The following ARID2 variants were observed in gnomAD, a reference collection of about 807,000 sequenced individuals.
ARID2 encodes the protein AT-rich interaction domain 2.
Under a neutral mutation model 184.6 loss-of-function variants are expected in ARID2, and 32 were observed. The ratio of observed to expected loss-of-function variants is 0.17; its 90% CI spans 0.13 to 0.23. The LOEUF (loss-of-function observed/expected upper bound fraction) is 0.23, where lower values mean the gene tolerates loss of function less well. ARID2 is among the 10% of genes least tolerant of loss of function. The pLI, the probability that ARID2 is intolerant of heterozygous loss-of-function variation, is 1.00. For synonymous variants in ARID2, 836 were observed against 772.6 expected, an observed-to-expected ratio of 1.08 and a Z score of -1.36; for missense variants, 1,696 against 2,197.6, an observed-to-expected ratio of 0.77 and a Z score of 4.56.
At position 45,852,643 on chromosome 12, in the gene ARID2, A is replaced by G. The variant is rs2138180317; in HGVS notation, c.4520A>G (p.Asn1507Ser). 6.2e-7 allele frequency: 1 copy of G among 1,614,170 alleles called. No homozygotes were observed. The change falls in exon 15 of 21, where the codon AAT (asparagine) becomes AGT (serine). Residue 1507 changes from asparagine to serine, a missense_variant. By Grantham distance (46) the Asn-to-Ser change is conservative. Coordinates refer to ENST00000334344, the MANE Select transcript of ARID2 (RefSeq NM_152641.4). ...PALSSDVRST[N>S]GTAECKTVKR... The stretch of plus-strand genomic sequence containing the variant: ...CTATCATCTGACGTTCGGTCTACAA[A>G]TGGCACAGCAGAATGCAAAACTGTA...
chr12:45,873,131 C>CCT (rs2138207087), intron 16 of ARID2, among the ~76,000 whole-genome samples: 1 of 152,206 alleles, frequency 6.6e-6, no homozygotes, highest in South Asian at 2.1e-4. Flanking sequence ...ATGTAATGCC[C>CCT]CTCTTGATCC....
At position 45,848,947 on chromosome 12, in the gene ARID2, A is replaced by T; in HGVS notation, c.1692A>T (p.Ser564=). The change falls in exon 13 of 21, where the codon TCA becomes TCT. Residue 564 remains serine (S), a synonymous_variant. Coordinates refer to ENST00000334344, the MANE Select transcript of ARID2 (RefSeq NM_152641.4). ...SKLARGGILT[S]TGFYKCLRTV... is the part of the protein sequence containing the mutation. ...TAGCTCGTGGTGGAATCCTAACATCAACTGGATTTTATAAATGTCTTAGGT... is the reference window on the plus strand; with the variant it reads ...TAGCTCGTGGTGGAATCCTAACATCTACTGGATTTTATAAATGTCTTAGGT... The T allele has an allele frequency of 6.2e-7, 1 of 1,612,156 alleles. No individual in the cohort carries two copies. Among genetic ancestry groups the T allele is most frequent in the Non-Finnish European group, 8.5e-7 (1 of 1,178,862 alleles).
At chr12:45,904,689 C>CAAAA (rs755707280) in intron 20 of ARID2, among the ~76,000 whole-genome samples, 12 of 35,666 alleles carry the variant, frequency 3.4e-4, no homozygotes, top group Admixed American at 1.2e-3. Context: ...GACTCCTTCT[C>CAAAA]AAAAAAAAAA....
intron 16 of ARID2, among the ~76,000 whole-genome samples, chr12:45,866,838 A>G (rs562855551): frequency 2.8e-4 from 42 of 152,170 alleles, no homozygotes; most frequent in Non-Finnish European, 5.7e-4. Context: ...TTGACACATC[A>G]TTATCACCCA....
At position 45,905,469 on chromosome 12, in the gene ARID2, C is replaced by G. The variant is rs1477907324; in HGVS notation, c.*391C>G. 1 of 234,006 alleles carries G rather than the reference C, an allele frequency of 4.3e-6. No individual in the cohort carries two copies. Among genetic ancestry groups the G allele is most frequent in the Non-Finnish European group, 8.4e-6 (1 of 118,580 alleles). 14.5% of individuals were successfully genotyped at this position (234,006 alleles called of 1,614,324 possible). A position where few individuals can be genotyped will look rare whatever the true frequency, so the allele number is the denominator to read the frequency against. On this transcript the variant is annotated 3_prime_UTR_variant, in exon 21 of 21. Coordinates refer to ENST00000334344, the MANE Select transcript of ARID2 (RefSeq NM_152641.4). The stretch of plus-strand genomic sequence containing the variant: ...AAGCATTAAATATTTTTATCTATAT[C>G]CAAAAAGGAGCACATTTTTATATTT...
intron 3 of ARID2, among the ~76,000 whole-genome samples, chr12:45,783,273 ATGAC>A (rs1942131581): frequency 2.0e-5 from 3 of 152,264 alleles, no homozygotes; most frequent in Non-Finnish European, 2.9e-5. Context: ...AGCCTTAATT[ATGAC>A]TATCAATAAC....
intron 16 of ARID2, among the ~76,000 whole-genome samples, chr12:45,877,197 G>A (rs1475460176): frequency 6.6e-6 from 1 of 152,106 alleles, no homozygotes; most frequent in Non-Finnish European, 1.5e-5. Context: ...TGGCCTGTTA[G>A]GAACCAGGCT....
chr12:45,893,978 C>A, intron 20 of ARID2: 2 of 265,084 alleles, frequency 7.5e-6, no homozygotes, highest in Non-Finnish European at 7.0e-6. Flanking sequence ...TAATTTAGAA[C>A]AAAAAGCAGC....
At position 45,839,400 on chromosome 12, in the gene ARID2, A is replaced by C; in HGVS notation, c.1402A>C (p.Ile468Leu). ...TGATGCACTAGCTGCGGTAAAACTC[A>C]TTGAACACCCAAGTTCCAGTCATCA... ...GPDALAAVKL[I>L]EHPSSSHQML... The change falls in exon 11 of 21, where the codon ATT becomes CTT. Residue 468 changes from isoleucine (I) to leucine (L), a missense_variant. Around this residue, in one of 11 missense-constraint regions of ARID2, gnomAD observed 713 missense variants for 824.4 expected, o/e 0.86. Transcript: ENST00000334344. 1 of 1,614,156 alleles carries C rather than the reference A, an allele frequency of 6.2e-7. No homozygotes were observed. The highest frequency in any genetic ancestry group is 1.7e-5 in the Admixed American group (1 of 60,024).
rs1037196201 is a variant in ARID2 at position 45,798,088 on chromosome 12, T to C, written c.285-13330T>C. ...AGAAATACACCATATACACAGTTGC[T>C]CTGTACCCTTTTTTACTATGTGTCA... On this transcript the variant is annotated intron_variant, in intron 3 of 20. Transcript: ENST00000334344. 7.9e-5 allele frequency among the ~76,000 whole-genome samples: 12 copies of C among 152,180 alleles called. 1 individual carries two copies. Among genetic ancestry groups the C allele is most frequent in the Admixed American group, 4.6e-4 (7 of 15,278 alleles).
At chr12:45,859,324 T>C (rs894899561) in intron 15 of ARID2, among the ~76,000 whole-genome samples, 5 of 152,200 alleles carry the variant, frequency 3.3e-5, no homozygotes, top group Non-Finnish European at 7.3e-5. Context: ...CTAGGAGCAA[T>C]AGGCTATTCC....
chr12:45,779,096 A>T (rs1333572951), intron 3 of ARID2, among the ~76,000 whole-genome samples: 5 of 152,006 alleles, frequency 3.3e-5, no homozygotes, highest in Admixed American at 1.3e-4. Flanking sequence ...CATTTAAGTT[A>T]CCCTTTTGCT....
chr12:45,809,683 A>C (rs533015346), intron 3 of ARID2, among the ~76,000 whole-genome samples: 1 of 152,288 alleles, frequency 6.6e-6, no homozygotes, highest in Admixed American at 6.5e-5. Flanking sequence ...TATTGGATTC[A>C]TTATCTATCA....
intron 20 of ARID2, among the ~76,000 whole-genome samples, chr12:45,902,627 G>A (rs1473090931): frequency 6.6e-6 from 1 of 151,752 alleles, no homozygotes; most frequent in Non-Finnish European, 1.5e-5. Context: ...TGCCTCCTGG[G>A]TTCAAGCGAT....
At chr12:45,863,857 GT>G (rs11316277) in intron 16 of ARID2, among the ~76,000 whole-genome samples, 88,325 of 110,258 alleles carry the variant, frequency 0.8, 33,584 homozygotes, top group East Asian at 0.91. Context: ...TTTTTTTTTT[GT>G]TTTTTTTTTG....
intron 3 of ARID2, among the ~76,000 whole-genome samples, chr12:45,762,628 T>A (rs1044932396): frequency 1.3e-5 from 2 of 152,230 alleles, no homozygotes; most frequent in African/African-American, 4.8e-5. Context: ...GTTGTTGAAC[T>A]GGTTTTTGAG....
At chr12:45,783,411 G>A (rs897816235) in intron 3 of ARID2, among the ~76,000 whole-genome samples, 1 of 152,176 alleles carries the variant, frequency 6.6e-6, no homozygotes, top group Admixed American at 6.5e-5. Flanking sequence ...AGTAAATGAG[G>A]AAAATAAATT....
At chr12:45,889,863 G>A (rs1592143440) in intron 16 of ARID2, among the ~76,000 whole-genome samples, 1 of 152,298 alleles carries the variant, frequency 6.6e-6, no homozygotes, top group Non-Finnish European at 1.5e-5. Flanking sequence ...GCTTGAACCC[G>A]GGAGGCAGAA....
chr12:45,791,935 C>G (rs1056414839), intron 3 of ARID2, among the ~76,000 whole-genome samples: 3 of 152,228 alleles, frequency 2.0e-5, no homozygotes, highest in East Asian at 3.9e-4. Context: ...TCCCCTCTTT[C>G]ATTCTTAACA....
Sources: allele counts gnomAD v4.1 joint callset (sites outside exome capture counted in the v4.1 genomes callset), GRCh38; gene constraint gnomAD v4.1.1; regional missense constraint gnomAD v4.1.1; transcripts MANE v1.5; gene names NCBI Gene and HGNC (gene_info 2026-07-23, HGNC 2026-07-21).